The following BICRA variants were observed in gnomAD, a reference collection of about 807,000 sequenced individuals.
The protein encoded by BICRA is BRD4 interacting chromatin remodeling complex associated protein, also known as BRD4-interacting chromatin-remodeling complex-associated protein.
BICRA carries 31 observed loss-of-function variants against 96.9 expected under a neutral mutation model. That is an observed-to-expected ratio of 0.32 (90% CI 0.24 to 0.43). The LOEUF (loss-of-function observed/expected upper bound fraction) is 0.43, where lower values mean the gene tolerates loss of function less well. Among genes scored for constraint, BICRA ranks in the 20% least tolerant of loss-of-function variants. The pLI is 1.00. For missense variants in BICRA, 2,283 were observed against 2,190.3 expected, an observed-to-expected ratio of 1.04 and a Z score of -0.84; for synonymous variants, 1,350 against 1,071.8, an observed-to-expected ratio of 1.26 and a Z score of -5.07.
intron 7 of BICRA, among the ~76,000 whole-genome samples, chr19:47,688,086 T>C: frequency 6.6e-6 from 1 of 151,890 alleles, no homozygotes; most frequent in East Asian, 1.9e-4. Flanking sequence ...TCTAATTGTG[T>C]GTGAAGTTGA....
intron 4 of BICRA, 28 bp downstream of exon 4, chr19:47,673,790 C>T: frequency 6.3e-7 from 1 of 1,589,684 alleles, no homozygotes; most frequent in African/African-American, 1.3e-5. Flanking sequence ...GAGAGGCATT[C>T]CCTGAGTGGG....
intron 1 of BICRA, among the ~76,000 whole-genome samples, chr19:47,667,436 G>A (rs1000527756): frequency 9.2e-5 from 14 of 152,156 alleles, no homozygotes; most frequent in African/African-American, 3.4e-4. Flanking sequence ...AGCCTCACGG[G>A]AGCTGCATCC....
intron 1 of BICRA, among the ~76,000 whole-genome samples, chr19:47,667,255 T>C (rs1972795716): frequency 6.6e-6 from 1 of 152,166 alleles, no homozygotes; most frequent in Non-Finnish European, 1.5e-5. Context: ...GACCTTGTGA[T>C]CCGCCCGCCT....
At position 47,633,985 on chromosome 19, in the gene BICRA, C is replaced by G. The variant is rs1972261658; in HGVS notation, c.-108+24817C>G. Among the ~76,000 whole-genome samples the G allele has an allele frequency of 2.0e-5, 3 of 152,250 alleles. No homozygotes were observed. The South Asian group carries it at 6.2e-4, about 32-fold the overall frequency. On this transcript the variant is annotated intron_variant, in intron 1 of 14. Transcript: ENST00000594866. ...AAACCCCTCATTTCAGAACACGTCT[C>G]ACTCCAGAGGTTTCCACTAAAAGAT...
Position 47,681,018 on chromosome 19 carries a change from G to C in BICRA, c.1848G>C (p.Ala616=). ...ATPAAATGEA[A]PVLTVQPAPQ... ...CTGCCGCTGCCACCGGGGAGGCCGC[G>C]CCTGTCCTCACGGTGCAGCCTGCCC... Residue 616 remains alanine, a synonymous_variant, in exon 6 of 15, where the codon GCG becomes GCC. Transcript: ENST00000594866. The C allele has an allele frequency of 1.4e-6, 2 of 1,449,224 alleles. No homozygotes were observed. Among genetic ancestry groups the C allele is most frequent in the Non-Finnish European group, 1.8e-6 (2 of 1,110,170 alleles). 89.8% of individuals were successfully genotyped at this position (1,449,224 alleles called of 1,614,324 possible).
chr19:47,680,242 G>A lies in BICRA; in HGVS notation c.1072G>A (p.Val358Met). ...GCCCATCCAGCCCAAGCCCGCGGGG[G>A]TGCTGCCGCCCAAGCTCTACCAGCT... The part of the protein sequence containing the change: ...PTPIQPKPAG[V>M]LPPKLYQLTP... The change falls in exon 6 of 15, where the codon GTG becomes ATG. Residue 358 changes from valine (V) to methionine (M), a missense_variant. Coordinates refer to ENST00000594866, the MANE Select transcript of BICRA (RefSeq NM_001394372.1). 2 of 1,561,298 alleles carry A rather than the reference G, an allele frequency of 1.3e-6. No individual in the cohort carries two copies. The highest frequency in any genetic ancestry group is 1.7e-6 in the Non-Finnish European group (2 of 1,162,514).
chr19:47,672,803 C>T (rs1458519234), intron 2 of BICRA, among the ~76,000 whole-genome samples: 3 of 152,000 alleles, frequency 2.0e-5, no homozygotes, highest in Non-Finnish European at 4.4e-5. Context: ...CAGACAGTGC[C>T]TGGCACCTAG....
intron 1 of BICRA, among the ~76,000 whole-genome samples, chr19:47,611,047 C>T (rs1971899097): frequency 1.3e-5 from 2 of 152,146 alleles, no homozygotes; most frequent in Admixed American, 6.5e-5. Context: ...CAGACATTCC[C>T]GTTTTCCAGA....
In BICRA at chr19:47,694,348, C is replaced by A; in HGVS notation, c.2517C>A (p.Asn839Lys). The change falls in exon 8 of 15, where the codon AAC becomes AAA. Residue 839 changes from asparagine to lysine, a missense_variant. Physicochemically the swap from Asn to Lys is moderately conservative, Grantham distance 94. Coordinates refer to ENST00000594866, the MANE Select transcript of BICRA (RefSeq NM_001394372.1). ...PTLPGIFVIQ[N>K]QLGVPPPASN... is the part of the protein sequence containing the mutation. The stretch of plus-strand genomic sequence containing the variant: ...TGCCTGGCATCTTTGTCATCCAAAA[C>A]CAGCTAGGCGTTCCCCCGCCTGCCA... 5 of 1,228,490 alleles carry A rather than the reference C, an allele frequency of 4.1e-6. No individual in the cohort carries two copies. Among genetic ancestry groups the A allele is most frequent in the Non-Finnish European group, 5.8e-6 (5 of 862,058 alleles). 76.1% of individuals were successfully genotyped at this position (1,228,490 alleles called of 1,614,324 possible).
chr19:47,619,160 C>G (rs972087089), intron 1 of BICRA, among the ~76,000 whole-genome samples: 13 of 151,086 alleles, frequency 8.6e-5, no homozygotes, highest in African/African-American at 3.2e-4. Context: ...TGTGTGTATA[C>G]TTACTCTTTC....
chr19:47,650,868 C>T (rs548627768), intron 1 of BICRA, among the ~76,000 whole-genome samples: 5 of 152,252 alleles, frequency 3.3e-5, no homozygotes, highest in African/African-American at 1.2e-4. Context: ...CATCCTGACA[C>T]CATCCGCCCA....
chr19:47,677,679 G>C (rs1972962255), intron 5 of BICRA, among the ~76,000 whole-genome samples: 1 of 152,172 alleles, frequency 6.6e-6, no homozygotes, highest in Non-Finnish European at 1.5e-5. Context: ...TGGGCAACAA[G>C]AGTGGAAACT....
rs1972922755 is a variant in BICRA, at chr19:47,675,210, A to G, written c.85-641A>G. On this transcript the variant is annotated intron_variant, in intron 4 of 14. Transcript: ENST00000594866. This position sits in a 1 kb window ranked among gnomAD's most constrained non-coding sequence, Gnocchi z 4.7. ...AAGTTGGGAATTTGGGGAAGATTCCAGAAGTCCAGGTGGTGCTGGTGGATG... is the reference window on the plus strand; with the variant it reads ...AAGTTGGGAATTTGGGGAAGATTCCGGAAGTCCAGGTGGTGCTGGTGGATG... Among the ~76,000 whole-genome samples, 1 of 152,208 alleles carries G rather than the reference A, an allele frequency of 6.6e-6. No homozygotes were observed. Among genetic ancestry groups the G allele is most frequent in the Non-Finnish European group, 1.5e-5 (1 of 68,026 alleles).
intron 1 of BICRA, among the ~76,000 whole-genome samples, chr19:47,648,314 C>T (rs1972492417): frequency 6.6e-6 from 1 of 151,938 alleles, no homozygotes; most frequent in Admixed American, 6.6e-5. Context: ...GTGGATGTGT[C>T]CCGGTCAGGC....
intron 1 of BICRA, among the ~76,000 whole-genome samples, chr19:47,648,058 T>A (rs1266810634): frequency 6.6e-6 from 1 of 151,880 alleles, no homozygotes; most frequent in African/African-American, 2.4e-5. Flanking sequence ...GCATCAGTCT[T>A]TGTGGAGCGT....
intron 1 of BICRA, among the ~76,000 whole-genome samples, chr19:47,609,589 A>G (rs893120757): frequency 4.7e-5 from 7 of 150,168 alleles, no homozygotes; most frequent in Non-Finnish European, 8.9e-5. Context: ...CTAACGTTCC[A>G]CGGGGGGAGG....
In BICRA at chr19:47,701,386, T is replaced by G. The variant is rs1200522556; in HGVS notation, c.3654T>G (p.Gly1218=). ...LGLPIAASSE[G]HRLPGHGPLS... is the part of the protein sequence containing the mutation. Reference sequence around the variant, plus strand: ...TCCCCATCGCAGCCTCTTCCGAGGGTCATCGGCTTCCCGGCCACGGCCCCC... The same window carrying G: ...TCCCCATCGCAGCCTCTTCCGAGGGGCATCGGCTTCCCGGCCACGGCCCCC... The change falls in exon 15 of 15, where the codon GGT becomes GGG. Residue 1218 remains glycine, a synonymous_variant. Coordinates refer to ENST00000594866, the MANE Select transcript of BICRA (RefSeq NM_001394372.1). This position sits in a 1 kb window ranked among gnomAD's most constrained non-coding sequence, Gnocchi z 5.4. 6.2e-7 allele frequency: 1 copy of G among 1,608,618 alleles called. No individual in the cohort carries two copies. Among genetic ancestry groups the G allele is most frequent in the East Asian group, 2.2e-5 (1 of 44,672 alleles).
Position 47,701,532 on chromosome 19 carries a change from C to A in BICRA, c.3800C>A (p.Ser1267Tyr), listed in dbSNP as rs1424066137. 5.2e-6 allele frequency: 8 copies of A among 1,549,140 alleles called. No individual in the cohort carries two copies. The highest frequency in any genetic ancestry group is 7.0e-6 in the Non-Finnish European group (8 of 1,147,030). The change falls in exon 15 of 15, where the codon TCC (serine) becomes TAC (tyrosine). Residue 1267 changes from serine (S) to tyrosine (Y), a missense_variant. Coordinates refer to ENST00000594866, the MANE Select transcript of BICRA (RefSeq NM_001394372.1). The surrounding 1 kb of genome is among the most constrained non-coding windows in gnomAD (Gnocchi z 5.4). ...PSVTWARASS[S>Y]LSSSSSSSSA... is the part of the protein sequence containing the mutation. The stretch of plus-strand genomic sequence containing the variant: ...GTCACCTGGGCCCGGGCGTCCTCCT[C>A]CCTGTCCTCCTCTTCCTCCTCCTCC...
chr19:47,696,574 G>A, intron 11 of BICRA, 62 bp downstream of exon 11: 1 of 1,480,974 alleles, frequency 6.8e-7, no homozygotes, highest in East Asian at 2.5e-5. Flanking sequence ...GGGGGAGCAT[G>A]GGGCCACCCT....
Sources: gnomAD v4.1 joint callset for allele counts (sites outside exome capture counted in the v4.1 genomes callset) on GRCh38, gnomAD v4.1.1 for gene constraint, Gnocchi (gnomAD v3.1) non-coding constraint, MANE v1.5 for transcripts, NCBI Gene and HGNC (gene_info 2026-07-23, HGNC 2026-07-21) for gene names.